Variants in C21orf91 observed in about 807,000 individuals in gnomAD.
The protein encoded by C21orf91 is chromosome 21 open reading frame 91, also known as protein EURL homolog.
In C21orf91, 26 loss-of-function variants were observed where a neutral mutation model predicts 32.9. That is an observed-to-expected ratio of 0.79 (90% CI 0.58 to 1.10). C21orf91 has a LOEUF of 1.10. Among genes scored for constraint, C21orf91 ranks in the 50% least tolerant of loss-of-function variants. The probability of loss-of-function intolerance (pLI) is 0.00; values close to 1 mark genes in which losing one functional copy is unlikely to be tolerated. For synonymous variants in C21orf91, 126 were observed against 120.4 expected (o/e 1.05, Z -0.31); for missense variants, 310 against 341.3 (o/e 0.91, Z 0.72).
Position 17,796,891 on chromosome 21 carries a change from G to A in C21orf91, c.355C>T (p.His119Tyr), listed in dbSNP as rs2062523173. Residue 119 changes from histidine (H) to tyrosine (Y), a missense_variant, in exon 3 of 5, where the codon CAT becomes TAT. Physicochemically the swap from His to Tyr is moderately conservative, Grantham distance 83. Transcript: ENST00000284881. ...GGCTTATGCCTGAAATTAAACAGATGATGCTGGGGGTTTTTAGAACATTCA... is the reference window on the plus strand; with the variant it reads ...GGCTTATGCCTGAAATTAAACAGATAATGCTGGGGGTTTTTAGAACATTCA... ...DSECSKNPQH[H>Y]LFNFRHKPEE... 1 of 1,613,640 alleles carries A rather than the reference G, an allele frequency of 6.2e-7. No individual in the cohort carries two copies. Among genetic ancestry groups the A allele is most frequent in the African/African-American group, 1.3e-5 (1 of 74,892 alleles).
chr21:17,793,293 C>T lies in C21orf91; in HGVS notation c.*122G>A. 1 of 616,712 alleles carries T rather than the reference C, an allele frequency of 1.6e-6. No homozygotes were observed. Among genetic ancestry groups the T allele is most frequent in the Non-Finnish European group, 2.7e-6 (1 of 365,852 alleles). 38.2% of individuals were successfully genotyped at this position (616,712 alleles called of 1,614,324 possible). A position where few individuals can be genotyped will look rare whatever the true frequency, so the allele number is the denominator to read the frequency against. On this transcript the variant is annotated 3_prime_UTR_variant, in exon 5 of 5. Coordinates refer to ENST00000284881, the MANE Select transcript of C21orf91 (RefSeq NM_001100420.2). Reference sequence around the variant, plus strand: ...ATTTGACAAAGATGTTAAATACTGCCTTATGTTTGGCAAATTTAATGACCA... The same window carrying T: ...ATTTGACAAAGATGTTAAATACTGCTTTATGTTTGGCAAATTTAATGACCA...
chr21:17,808,962 T>C (rs184661125), intron 2 of C21orf91: 3 of 152,380 alleles, frequency 2.0e-5, no homozygotes, highest in Admixed American at 2.0e-4. Flanking sequence ...TCTCACAAGA[T>C]ATGGTTGTTT....
intron 2 of C21orf91, among the ~76,000 whole-genome samples, chr21:17,809,585 T>C (rs1026758088): frequency 2.0e-5 from 3 of 152,216 alleles, no homozygotes; most frequent in Non-Finnish European, 2.9e-5. Context: ...TGTATAGCAC[T>C]TCAGAAACTG....
chr21:17,805,241 A>G (rs1442706445), intron 2 of C21orf91, among the ~76,000 whole-genome samples: 4 of 152,210 alleles, frequency 2.6e-5, no homozygotes, highest in Admixed American at 6.5e-5. Flanking sequence ...TCCATAGGTA[A>G]CTAAGCAAAA....
intron 2 of C21orf91, among the ~76,000 whole-genome samples, chr21:17,803,482 T>G (rs1421070047): frequency 3.3e-5 from 5 of 151,990 alleles, no homozygotes; most frequent in Non-Finnish European, 7.4e-5. Context: ...CTACACTCTA[T>G]CTAGCCTGGG....
chr21:17,796,863 T>A lies in C21orf91; in HGVS notation c.383A>T (p.Glu128Val), dbSNP rs776116159. The A allele has an allele frequency of 3.1e-6, 5 of 1,614,052 alleles. No homozygotes were observed. In the South Asian group the frequency reaches 5.5e-5, roughly 18 times the overall value. The part of the protein sequence containing the change: ...HHLFNFRHKP[E>V]EKLLPQFDSQ... ...GTCAAACTGTGGGAGTAATTTTTCT[T>A]CTGGCTTATGCCTGAAATTAAACAG... is the stretch of plus-strand genomic sequence containing the variant. Residue 128 changes from glutamate (E) to valine (V), a missense_variant, in exon 3 of 5, where the codon GAA becomes GTA. Transcript: ENST00000284881.
At chr21:17,815,345 T>C (rs929739986) in intron 2 of C21orf91, among the ~76,000 whole-genome samples, 1 of 152,102 alleles carries the variant, frequency 6.6e-6, no homozygotes, top group Non-Finnish European at 1.5e-5. Context: ...ATTATAAAGC[T>C]AAGAAATCAG....
At chr21:17,812,197 C>T (rs1464601640) in intron 2 of C21orf91, among the ~76,000 whole-genome samples, 1 of 152,134 alleles carries the variant, frequency 6.6e-6, no homozygotes, top group Non-Finnish European at 1.5e-5. Flanking sequence ...AAACTTATCA[C>T]CAATTAAGCC....
At chr21:17,794,336 A>G (rs2062501784) in intron 4 of C21orf91, among the ~76,000 whole-genome samples, 1 of 152,218 alleles carries the variant, frequency 6.6e-6, no homozygotes, top group Non-Finnish European at 1.5e-5. Context: ...ATTACTTGTT[A>G]GTGTTAGCAT....
rs891717972 is a variant in C21orf91 at position 17,796,833 on chromosome 21, T to C, written c.413A>G (p.Gln138Arg). 1.9e-6 allele frequency: 3 copies of C among 1,613,906 alleles called. No individual in the cohort carries two copies. Among genetic ancestry groups the C allele is most frequent in the Admixed American group, 1.7e-5 (1 of 60,000 alleles). The part of the protein sequence containing the change: ...EEKLLPQFDS[Q>R]VPKYSAKWID... Reference sequence around the variant, plus strand: ...CCATTTTGCAGAATATTTTGGTACTTGGGAGTCAAACTGTGGGAGTAATTT... The same window carrying C: ...CCATTTTGCAGAATATTTTGGTACTCGGGAGTCAAACTGTGGGAGTAATTT... Residue 138 changes from glutamine (Q) to arginine (R), a missense_variant, in exon 3 of 5, where the codon CAA (glutamine) becomes CGA (arginine). Physicochemically the swap from Gln to Arg is conservative, Grantham distance 43. Transcript: ENST00000284881.
chr21:17,806,961 G>T (rs2062599730), intron 2 of C21orf91, among the ~76,000 whole-genome samples: 1 of 152,128 alleles, frequency 6.6e-6, no homozygotes, highest in South Asian at 2.1e-4. Context: ...TCTCAACTGA[G>T]AATTGAGATC....
chr21:17,794,960 T>C (rs1421215986), intron 4 of C21orf91, among the ~76,000 whole-genome samples: 1 of 144,748 alleles, frequency 6.9e-6, no homozygotes, highest in East Asian at 2.0e-4. Context: ...CTCGGGAGGA[T>C]CACCACTGCA....
intron 2 of C21orf91, among the ~76,000 whole-genome samples, chr21:17,806,887 G>A (rs377429726): frequency 3.3e-5 from 5 of 152,004 alleles, no homozygotes; most frequent in African/African-American, 9.7e-5. Context: ...AAAAAGAAGA[G>A]TGGGAGGTAG....
In C21orf91 at chr21:17,792,327, AATCCTAT is replaced by A. The variant is rs1466184983; in HGVS notation, c.*1081_*1087del. On this transcript the variant is annotated 3_prime_UTR_variant, in exon 5 of 5. Coordinates refer to ENST00000284881, the MANE Select transcript of C21orf91 (RefSeq NM_001100420.2). ...GAGTTTTGCTTTTCTTCTGTAGAAC[AATCCTAT>A]ATTTCTCTATAGAGTCTAAAGTTTA... The A allele has an allele frequency of 6.6e-6, 1 of 152,156 alleles. No homozygotes were observed. The highest frequency in any genetic ancestry group is 1.9e-4 in the East Asian group (1 of 5,196). The allele number at this position is 152,156 out of a possible 1,614,324, so 9.4% of individuals were successfully genotyped here. A position where few individuals can be genotyped will look rare whatever the true frequency, so the allele number is the denominator to read the frequency against.
At chr21:17,804,867 T>G (rs2062584853) in intron 2 of C21orf91, among the ~76,000 whole-genome samples, 1 of 152,230 alleles carries the variant, frequency 6.6e-6, no homozygotes, top group Non-Finnish European at 1.5e-5. Context: ...ATGTATACAT[T>G]GCAAATGACT....
Position 17,792,162 on chromosome 21 carries a change from G to T in C21orf91, c.*1253C>A, listed in dbSNP as rs2062479445. 6.6e-6 allele frequency: 1 copy of T among 152,078 alleles called. No homozygotes were observed. The allele number at this position is 152,078 out of a possible 1,614,324, so 9.4% of individuals were successfully genotyped here. A position where few individuals can be genotyped will look rare whatever the true frequency, so the allele number is the denominator to read the frequency against. ...TAGAGCCCATTTTAATTCTGCATTG[G>T]TTATAGCCTTTACTGTAATACATTA... On this transcript the variant is annotated 3_prime_UTR_variant, in exon 5 of 5. Transcript: ENST00000284881.
chr21:17,818,097 C>A, intron 2 of C21orf91, 95 bp downstream of exon 2: 1 of 843,390 alleles, frequency 1.2e-6, no homozygotes, highest in South Asian at 1.9e-5. Context: ...GCACAATTTC[C>A]AATCATTGAA....
At position 17,791,506 on chromosome 21, in the gene C21orf91, T is replaced by C. The variant is rs1014872339; in HGVS notation, c.*1909A>G. Reference sequence around the variant, plus strand: ...GCTACTATTGATATCAAATGCAACATATCCCCAACTTTTATGACTGTCCCT... The same window carrying C: ...GCTACTATTGATATCAAATGCAACACATCCCCAACTTTTATGACTGTCCCT... On this transcript the variant is annotated 3_prime_UTR_variant, in exon 5 of 5. Coordinates refer to ENST00000284881, the MANE Select transcript of C21orf91 (RefSeq NM_001100420.2). 1.3e-5 allele frequency: 2 copies of C among 152,152 alleles called. No individual in the cohort carries two copies. The highest frequency in any genetic ancestry group is 4.8e-5 in the African/African-American group (2 of 41,448). 9.4% of individuals were successfully genotyped at this position (152,152 alleles called of 1,614,324 possible). A position where few individuals can be genotyped will look rare whatever the true frequency, so the allele number is the denominator to read the frequency against.
chr21:17,813,549 G>A (rs981813077), intron 2 of C21orf91, among the ~76,000 whole-genome samples: 1 of 152,178 alleles, frequency 6.6e-6, no homozygotes, highest in African/African-American at 2.4e-5. Context: ...TACACAGAGA[G>A]CAGCCAGATA....
Sources: allele counts gnomAD v4.1 joint callset (sites outside exome capture counted in the v4.1 genomes callset), GRCh38; gene constraint gnomAD v4.1.1; transcripts MANE v1.5; gene names NCBI Gene and HGNC (gene_info 2026-07-23, HGNC 2026-07-21).